The following ACYP2 variants were observed in gnomAD, a reference collection of about 807,000 sequenced individuals.
ACYP2 encodes acylphosphatase-2.
In ACYP2, 12 loss-of-function variants were observed where a neutral mutation model predicts 11.2. The ratio of observed to expected loss-of-function variants is 1.08; its 90% CI spans 0.69 to 1.74. The LOEUF (loss-of-function observed/expected upper bound fraction) is 1.74, where lower values mean the gene tolerates loss of function less well. ACYP2 is among the 40% of genes most tolerant of loss of function. The pLI is 0.00. For missense variants in ACYP2, 134 were observed against 101.9 expected, an observed-to-expected ratio of 1.31 and a Z score of -1.35; for synonymous variants, 43 against 32.2, an observed-to-expected ratio of 1.33 and a Z score of -1.13.
chr2:54,287,378 T>C (rs558986376), intron 6 of ACYP2, among the ~76,000 whole-genome samples: 2 of 152,118 alleles, frequency 1.3e-5, no homozygotes, highest in Non-Finnish European at 2.9e-5. Context: ...TACTTCTTAA[T>C]ACTGTCACAC....
intron 6 of ACYP2, chr2:54,267,340 AG>A: frequency 6.5e-7 from 1 of 1,549,244 alleles, no homozygotes; most frequent in Non-Finnish European, 8.7e-7. Flanking sequence ...GAAACAAGAT[AG>A]GGCAACAGCT....
chr2:54,254,468 G>A (rs1305709763), intron 6 of ACYP2: 1 of 157,272 alleles, frequency 6.4e-6, no homozygotes, highest in Non-Finnish European at 1.4e-5. Flanking sequence ...GCCCCCTGCT[G>A]TTCTCCCTTG....
chr2:54,015,509 G>A (rs1483303329), intron 2 of ACYP2, among the ~76,000 whole-genome samples: 2 of 151,912 alleles, frequency 1.3e-5, no homozygotes, highest in African/African-American at 4.8e-5. Context: ...AGTCAGCCAG[G>A]TATGGTGGTG....
At chr2:54,255,283 G>C (rs776375835) in intron 6 of ACYP2, 1 of 1,614,202 alleles carries the variant, frequency 6.2e-7, no homozygotes, top group Admixed American at 1.7e-5. Flanking sequence ...CTTGCAGCCT[G>C]TCCTAGGGTG....
At chr2:54,188,966 C>T (rs1684125971) in intron 6 of ACYP2, among the ~76,000 whole-genome samples, 1 of 152,214 alleles carries the variant, frequency 6.6e-6, no homozygotes, top group African/African-American at 2.4e-5. Context: ...CTTTCTCCTG[C>T]ACCTGTCACC....
At chr2:54,287,380 C>T (rs1462198786) in intron 6 of ACYP2, among the ~76,000 whole-genome samples, 1 of 151,996 alleles carries the variant, frequency 6.6e-6, no homozygotes, top group African/African-American at 2.4e-5. Context: ...CTTCTTAATA[C>T]TGTCACACTG....
chr2:54,235,505 T>A (rs1686435341), intron 6 of ACYP2, among the ~76,000 whole-genome samples: 1 of 152,022 alleles, frequency 6.6e-6, no homozygotes, highest in Admixed American at 6.6e-5. Flanking sequence ...CCCACCACCA[T>A]GCCTGGCTAA....
At chr2:54,265,490 A>C (rs1558655016) in intron 6 of ACYP2, among the ~76,000 whole-genome samples, 2 of 152,300 alleles carry the variant, frequency 1.3e-5, no homozygotes, top group East Asian at 1.9e-4. Flanking sequence ...ACAGAGCCAA[A>C]CCATATCAGC....
At chr2:54,051,259 AT>A in intron 3 of ACYP2, 5 of 860,790 alleles carry the variant, frequency 5.8e-6, no homozygotes, top group African/African-American at 1.6e-5. Flanking sequence ...CATCATATGC[AT>A]TTTTTGTGCA....
chr2:54,137,996 C>T (rs1333967441), intron 5 of ACYP2, among the ~76,000 whole-genome samples: 2 of 152,122 alleles, frequency 1.3e-5, no homozygotes, highest in African/African-American at 4.8e-5. Context: ...GAGAAGGTAT[C>T]TCATTGTGGT....
chr2:54,140,291 A>G (rs1176439987), intron 6 of ACYP2, among the ~76,000 whole-genome samples: 2 of 152,178 alleles, frequency 1.3e-5, no homozygotes, highest in African/African-American at 4.8e-5. Flanking sequence ...AAAAATAATA[A>G]TATAGTTTTT....
At position 54,273,362 on chromosome 2, in the gene ACYP2, A is replaced by G. The variant is rs191776670; in HGVS notation, c.405-31326A>G. Among the ~76,000 whole-genome samples, 64 of 152,376 alleles carry G rather than the reference A, an allele frequency of 4.2e-4. 1 individual carries two copies. The East Asian group carries it at 0.012, about 28-fold the overall frequency. ...TTCTTTGTTATGCCAAAAAATTCCA[A>G]AGGAAGTTACACAGCCCCTAGAAGG... On this transcript the variant is annotated intron_variant, in intron 6 of 6. Transcript: ENST00000607452.
intron 4 of ACYP2, 119 bp from the exon 1 acceptor site, chr2:54,115,496 G>A: frequency 5.0e-6 from 7 of 1,411,150 alleles, no homozygotes; most frequent in Non-Finnish European, 6.5e-6. Context: ...CTTCCCTCCT[G>A]GCGTCCCCGG....
intron 6 of ACYP2, among the ~76,000 whole-genome samples, chr2:54,168,368 G>T (rs1409981821): frequency 2.0e-5 from 3 of 152,160 alleles, no homozygotes; most frequent in African/African-American, 7.2e-5. Flanking sequence ...AGAGGTTGCA[G>T]TGAGCAGAGA....
intron 4 of ACYP2, among the ~76,000 whole-genome samples, chr2:54,114,949 A>G (rs752152136): frequency 1.2e-4 from 19 of 152,104 alleles, no homozygotes; most frequent in Admixed American, 4.6e-4. Context: ...ATAATTTACT[A>G]ACTCTCAAAA....
chr2:54,138,056 T>C (rs1025489623), intron 5 of ACYP2, among the ~76,000 whole-genome samples: 6 of 151,806 alleles, frequency 4.0e-5, no homozygotes, highest in Non-Finnish European at 8.8e-5. Flanking sequence ...TTTTTTCATA[T>C]GCTTCTTGGC....
intron 6 of ACYP2, among the ~76,000 whole-genome samples, chr2:54,165,386 G>C (rs573906537): frequency 6.6e-6 from 1 of 152,222 alleles, no homozygotes; most frequent in East Asian, 1.9e-4. Flanking sequence ...TTGTTAGTTA[G>C]TACTTTCAGA....
intron 4 of ACYP2, among the ~76,000 whole-genome samples, chr2:54,072,843 G>T (rs572403881): frequency 2.0e-5 from 3 of 152,050 alleles, no homozygotes; most frequent in African/African-American, 7.2e-5. Flanking sequence ...GATTACAGAC[G>T]TGAGCTGCCA....
intron 6 of ACYP2, among the ~76,000 whole-genome samples, chr2:54,292,911 C>T (rs1689370939): frequency 6.6e-6 from 1 of 152,118 alleles, no homozygotes; most frequent in Admixed American, 6.5e-5. Context: ...CCAGTTCTTC[C>T]AATTATTTTG....
Sources: allele counts gnomAD v4.1 joint callset (sites outside exome capture counted in the v4.1 genomes callset), GRCh38; gene constraint gnomAD v4.1.1; transcripts MANE v1.5; gene names NCBI Gene and HGNC (gene_info 2026-07-23, HGNC 2026-07-21).